The following TMEM245 variants were observed in gnomAD, a reference collection of about 807,000 sequenced individuals.
TMEM245 encodes the protein transmembrane protein 245.
TMEM245 carries 69 observed loss-of-function variants against 101.2 expected under a neutral mutation model. That is an observed-to-expected ratio of 0.68 (90% confidence interval 0.56 to 0.83). TMEM245 has a LOEUF of 0.83. Ranked by LOEUF, TMEM245 falls within the 40% of genes least tolerant of loss-of-function variation. The pLI, the probability that TMEM245 is intolerant of heterozygous loss-of-function variation, is 0.00. For missense variants in TMEM245, 1,075 were observed against 1,092.8 expected (o/e 0.98, Z 0.23); for synonymous variants, 537 against 449.8 (o/e 1.19, Z -2.45).
In TMEM245 at chr9:109,050,399, T is replaced by C. The variant is rs746986537; in HGVS notation, c.2007A>G (p.Leu669=). The change falls in exon 14 of 18, where the codon CTA becomes CTG. Residue 669 remains leucine (L), a synonymous_variant. Transcript: ENST00000374586. ...TGTAGTACTCATCACTGGAACTTAA[T>C]AGATAAAATAGTGTGGTCAGGAAAA... is the stretch of plus-strand genomic sequence containing the variant. ...LIIFLTTLFY[L]LSSSDEYYKP... 3.7e-5 allele frequency: 59 copies of C among 1,613,978 alleles called. No individual in the cohort carries two copies. In the African/African-American group the frequency reaches 3.9e-4, roughly 11 times the overall value.
chr9:109,087,872 G>A (rs577565203), intron 5 of TMEM245, among the ~76,000 whole-genome samples: 1 of 152,308 alleles, frequency 6.6e-6, no homozygotes, highest in South Asian at 2.1e-4. Flanking sequence ...ATTTGATGCT[G>A]CTCTCAACAT....
At chr9:109,064,440 G>A (rs780304259) in intron 10 of TMEM245, 37 bp downstream of exon 10, 2 of 1,587,084 alleles carry the variant, frequency 1.3e-6, no homozygotes, top group Non-Finnish European at 1.7e-6. Context: ...TAAAGACCCT[G>A]AAAAGAGAAA....
chr9:109,036,340 T>C lies in TMEM245; in HGVS notation c.2265A>G (p.Thr755=). ...AILGAVPFLG[T]YWAAVPAVLD... is the part of the protein sequence containing the mutation. ...GAACTGCAGGTACTGCTGCCCAGTA[T>C]GTCCCCAGGAATGGCACTGCTCCAA... The change falls in exon 16 of 18, where the codon ACA becomes ACG. Residue 755 remains threonine, a synonymous_variant. Transcript: ENST00000374586. 1 of 1,613,174 alleles carries C rather than the reference T, an allele frequency of 6.2e-7. No homozygotes were observed. Among genetic ancestry groups the C allele is most frequent in the Middle Eastern group, 1.7e-4 (1 of 6,058 alleles).
At chr9:109,031,456 CCAACAATAT>C (rs1464019521) in intron 17 of TMEM245, among the ~76,000 whole-genome samples, 1 of 152,086 alleles carries the variant, frequency 6.6e-6, no homozygotes, top group African/African-American at 2.4e-5. Context: ...AGAAAAACAT[CCAACAATAT>C]GAATGAATCA....
Position 109,064,458 on chromosome 9 carries a change from AG to A in TMEM245, c.1623+18del. On this transcript the variant is annotated intron_variant, in intron 10 of 17. Coordinates refer to ENST00000374586, the MANE Select transcript of TMEM245 (RefSeq NM_032012.4). ...AGACCCTGAAAAGAGAAAGCCACAAAGAAAGTTTCTTCCCTTACCTTGTGAG... is the reference window on the plus strand; with the variant it reads ...AGACCCTGAAAAGAGAAAGCCACAAAAAAGTTTCTTCCCTTACCTTGTGAG... 6.3e-7 allele frequency: 1 copy of A among 1,598,420 alleles called. No homozygotes were observed.
chr9:109,079,469 A>C (rs919718506), intron 8 of TMEM245, among the ~76,000 whole-genome samples: 2 of 152,196 alleles, frequency 1.3e-5, no homozygotes, highest in East Asian at 3.9e-4. Flanking sequence ...GTTACATTTG[A>C]GATGTCCATT....
intron 2 of TMEM245, among the ~76,000 whole-genome samples, chr9:109,107,244 A>T (rs1427037782): frequency 2.0e-5 from 3 of 151,444 alleles, no homozygotes; most frequent in Non-Finnish European, 4.4e-5. Flanking sequence ...AAATAAAAAA[A>T]AAAAATTAGC....
intron 3 of TMEM245, among the ~76,000 whole-genome samples, chr9:109,099,804 G>A (rs1312257027): frequency 1.3e-5 from 2 of 152,080 alleles, no homozygotes; most frequent in Admixed American, 1.3e-4. Flanking sequence ...TTTAATTGCC[G>A]TTACCACAGT....
intron 9 of TMEM245, among the ~76,000 whole-genome samples, chr9:109,067,483 C>T (rs955391852): frequency 1.3e-5 from 2 of 152,180 alleles, no homozygotes; most frequent in African/African-American, 4.8e-5. Flanking sequence ...AGGTTAATCT[C>T]TATCACCTAC....
chr9:109,016,548 G>C lies in TMEM245; in HGVS notation c.*3912C>G, dbSNP rs13296895. 0.087 allele frequency: 13,244 copies of C among 151,976 alleles called. 682 individuals are homozygous for C. The highest frequency in any genetic ancestry group is 0.23 in the South Asian group (1,118 of 4,812). 9.4% of individuals were successfully genotyped at this position (151,976 alleles called of 1,614,324 possible). A position where few individuals can be genotyped will look rare whatever the true frequency, so the allele number is the denominator to read the frequency against. The stretch of plus-strand genomic sequence containing the variant: ...AAAGTGACAGGACCACCTAATTTTA[G>C]AAGTCCCATTCTAGCACAGAATTTC... On this transcript the variant is annotated 3_prime_UTR_variant, in exon 18 of 18. Coordinates refer to ENST00000374586, the MANE Select transcript of TMEM245 (RefSeq NM_032012.4).
At chr9:109,061,184 C>T (rs1202078147) in intron 10 of TMEM245, among the ~76,000 whole-genome samples, 1 of 152,062 alleles carries the variant, frequency 6.6e-6, no homozygotes, top group Admixed American at 6.6e-5. Flanking sequence ...AGTGTGGTGG[C>T]GCATGCCTGC....
At chr9:109,036,486 G>T in intron 15 of TMEM245, 106 bp from the exon 16 acceptor site, 1 of 1,098,294 alleles carries the variant, frequency 9.1e-7, no homozygotes, top group Non-Finnish European at 1.2e-6. Context: ...AACAAAACAA[G>T]TTAAATACTC....
At chr9:109,116,133 T>C (rs1412163607) in intron 1 of TMEM245, among the ~76,000 whole-genome samples, 3 of 152,220 alleles carry the variant, frequency 2.0e-5, no homozygotes, top group Non-Finnish European at 4.4e-5. Flanking sequence ...TGTCAAGTCA[T>C]CAAAACAGGG....
At position 109,036,486 on chromosome 9, in the gene TMEM245, G is replaced by A. The variant is rs560795856; in HGVS notation, c.2225-106C>T. On this transcript the variant is annotated intron_variant, in intron 15 of 17. Transcript: ENST00000374586. Reference sequence around the variant, plus strand: ...TCCTCAACAACTTCCAACAAAACAAGTTAAATACTCACAAACTCAAATATT... The same window carrying A: ...TCCTCAACAACTTCCAACAAAACAAATTAAATACTCACAAACTCAAATATT... The A allele has an allele frequency of 4.8e-5, 53 of 1,098,300 alleles. No homozygotes were observed. In the African/African-American group the frequency reaches 8.3e-4, roughly 17 times the overall value. The allele number at this position is 1,098,300 out of a possible 1,614,324, so 68.0% of individuals were successfully genotyped here.
At chr9:109,083,926 A>C (rs1237159849) in intron 7 of TMEM245, among the ~76,000 whole-genome samples, 1 of 141,274 alleles carries the variant, frequency 7.1e-6, no homozygotes, top group African/African-American at 2.6e-5. Context: ...AAAAAAAAAA[A>C]AAACACCAGG....
intron 3 of TMEM245, among the ~76,000 whole-genome samples, chr9:109,099,802 C>T (rs1005412390): frequency 6.6e-6 from 1 of 152,246 alleles, no homozygotes; most frequent in African/African-American, 2.4e-5. Flanking sequence ...AATTTAATTG[C>T]CGTTACCACA....
intron 9 of TMEM245, 98 bp downstream of exon 9, chr9:109,073,258 A>C (rs28558332): frequency 0.019 from 16,643 of 894,282 alleles, 704 homozygotes; most frequent in African/African-American, 0.12. Context: ...CCTATCTTTT[A>C]TCTTCCAATG....
chr9:109,098,115 C>T (rs1830188661), intron 3 of TMEM245, among the ~76,000 whole-genome samples: 1 of 152,070 alleles, frequency 6.6e-6, no homozygotes. Flanking sequence ...TCTATCTTCC[C>T]TTAGTAGACA....
chr9:109,016,646 G>A lies in TMEM245; in HGVS notation c.*3814C>T, dbSNP rs907836184. On this transcript the variant is annotated 3_prime_UTR_variant, in exon 18 of 18. Coordinates refer to ENST00000374586, the MANE Select transcript of TMEM245 (RefSeq NM_032012.4). ...CAAAAATAACCAAACAGTGGCTGCA[G>A]ACAGCATGTGTGTTTTTTTTTTTTT... 48 of 129,706 alleles carry A rather than the reference G, an allele frequency of 3.7e-4. No homozygotes were observed. The highest frequency in any genetic ancestry group is 1.4e-3 in the African/African-American group (47 of 33,722). 8.0% of individuals were successfully genotyped at this position (129,706 alleles called of 1,614,324 possible). A position where few individuals can be genotyped will look rare whatever the true frequency, so the allele number is the denominator to read the frequency against.
Sources: gnomAD v4.1 joint callset for allele counts (sites outside exome capture counted in the v4.1 genomes callset) on GRCh38, gnomAD v4.1.1 for gene constraint, MANE v1.5 for transcripts, NCBI Gene and HGNC (gene_info 2026-07-23, HGNC 2026-07-21) for gene names.